The following KCNQ2 variants were observed in gnomAD, a reference collection of about 807,000 sequenced individuals.
KCNQ2 encodes potassium voltage-gated channel subfamily Q member 2, also known as potassium voltage-gated channel subfamily KQT member 2.
Under a neutral mutation model 84.8 loss-of-function variants are expected in KCNQ2, and 14 were observed. That is an observed-to-expected ratio of 0.17 (90% confidence interval 0.11 to 0.26). The LOEUF is 0.26. Among genes scored for constraint, KCNQ2 ranks in the 10% least tolerant of loss-of-function variants. KCNQ2 has a pLI of 1.00. For missense variants in KCNQ2, 788 were observed against 1,254.0 expected (o/e 0.63, Z 5.61); for synonymous variants, 599 against 554.1 (o/e 1.08, Z -1.14).
intron 15 of KCNQ2, among the ~76,000 whole-genome samples, chr20:63,409,215 G>A (rs998493501): frequency 4.6e-5 from 7 of 152,206 alleles, no homozygotes; most frequent in Non-Finnish European, 8.8e-5. Flanking sequence ...ACGTGTGTGT[G>A]CACTCGATGT....
At chr20:63,467,118 G>A (rs924389241) in intron 1 of KCNQ2, among the ~76,000 whole-genome samples, 2 of 152,176 alleles carry the variant, frequency 1.3e-5, no homozygotes, top group Non-Finnish European at 2.9e-5. Flanking sequence ...CGGCCTGGCC[G>A]CTGGCCCCAG....
At chr20:63,461,305 T>C (rs2145867422) in intron 1 of KCNQ2, among the ~76,000 whole-genome samples, 1 of 152,280 alleles carries the variant, frequency 6.6e-6, no homozygotes, top group Non-Finnish European at 1.5e-5. Context: ...ATGGCACCCG[T>C]GGGAAGGGAT....
At position 63,400,300 on chromosome 20, in the gene KCNQ2, C is replaced by T. The variant is rs555733916; in HGVS notation, c.*6344G>A. The T allele has an allele frequency of 2.5e-4, 63 of 253,230 alleles. No homozygotes were observed. Among genetic ancestry groups the T allele is most frequent in the Middle Eastern group, 1.1e-3 (1 of 878 alleles). 15.7% of individuals were successfully genotyped at this position (253,230 alleles called of 1,614,324 possible). A position where few individuals can be genotyped will look rare whatever the true frequency, so the allele number is the denominator to read the frequency against. ...CAGCAGGGATCCCCAGAACCTTCCACGGCCATCGCGGCCGCAGGACCCCAC... is the reference window on the plus strand; with the variant it reads ...CAGCAGGGATCCCCAGAACCTTCCATGGCCATCGCGGCCGCAGGACCCCAC... On this transcript the variant is annotated 3_prime_UTR_variant, in exon 17 of 17. Transcript: ENST00000359125. The surrounding 1 kb of genome is among the most constrained non-coding windows in gnomAD (Gnocchi z 8.7).
intron 1 of KCNQ2, among the ~76,000 whole-genome samples, chr20:63,469,792 G>A (rs1180677117): frequency 1.3e-5 from 2 of 152,246 alleles, no homozygotes; most frequent in Non-Finnish European, 2.9e-5. Context: ...CACGCCACAC[G>A]GGCCAGTCCA....
chr20:63,438,840 A>C lies in KCNQ2; in HGVS notation c.928-120T>G. ...ATTCATCAGGGTCAGACCACACTCC[A>C]GAGACTCACACACCCCCCAATTCAT... On this transcript the variant is annotated intron_variant, in intron 6 of 16. Coordinates refer to ENST00000359125, the MANE Select transcript of KCNQ2 (RefSeq NM_172107.4). The surrounding 1 kb of genome is among the most constrained non-coding windows in gnomAD (Gnocchi z 5.1). 2.4e-5 allele frequency: 16 copies of C among 674,676 alleles called. No homozygotes were observed. In the South Asian group the frequency reaches 2.4e-4, roughly 10 times the overall value. The allele number at this position is 674,676 out of a possible 1,614,324, so 41.8% of individuals were successfully genotyped here. A position where few individuals can be genotyped will look rare whatever the true frequency, so the allele number is the denominator to read the frequency against.
chr20:63,414,058 C>A lies in KCNQ2; in HGVS notation c.1631+30G>T, dbSNP rs1172089546. 2.6e-6 allele frequency: 4 copies of A among 1,561,124 alleles called. No homozygotes were observed. Among genetic ancestry groups the A allele is most frequent in the Middle Eastern group, 3.4e-4 (2 of 5,960 alleles). On this transcript the variant is annotated intron_variant, in intron 14 of 16. Transcript: ENST00000359125. The surrounding 1 kb of genome is among the most constrained non-coding windows in gnomAD (Gnocchi z 6.6). ...CGAGCGGGAGGCCCCTCCTCACTCCCCCAGGCTCCCGGCTGGGCAGGGGCC... is the reference window on the plus strand; with the variant it reads ...CGAGCGGGAGGCCCCTCCTCACTCCACCAGGCTCCCGGCTGGGCAGGGGCC...
In KCNQ2 at chr20:63,414,236, G is replaced by A. The variant is rs977486227; in HGVS notation, c.1526-43C>T. On this transcript the variant is annotated intron_variant, in intron 13 of 16. Transcript: ENST00000359125. The surrounding 1 kb of genome is among the most constrained non-coding windows in gnomAD (Gnocchi z 6.6). ...GGCCGTGAGGGGCCGAGGGGGCCGG[G>A]AGACCTATTCCCGGGGTCCTGCAGG... 1 of 1,446,734 alleles carries A rather than the reference G, an allele frequency of 6.9e-7. No homozygotes were observed. Among genetic ancestry groups the A allele is most frequent in the Admixed American group, 1.7e-5 (1 of 59,268 alleles). The allele number at this position is 1,446,734 out of a possible 1,614,324, so 89.6% of individuals were successfully genotyped here.
chr20:63,433,918 A>AC lies in KCNQ2; in HGVS notation c.1024-16dup. The AC allele has an allele frequency of 6.2e-7, 1 of 1,612,204 alleles. No individual in the cohort carries two copies. Among genetic ancestry groups the AC allele is most frequent in the Non-Finnish European group, 8.5e-7 (1 of 1,179,220 alleles). On this transcript the variant is annotated splice_polypyrimidine_tract_variant and intron_variant, in intron 7 of 16. Coordinates refer to ENST00000359125, the MANE Select transcript of KCNQ2 (RefSeq NM_172107.4). The stretch of plus-strand genomic sequence containing the variant: ...CTCCAGGCCGACTGCGGAGGGAAAG[A>AC]CAAGGCAGTTGGCGAGGGGCAGGCG...
chr20:63,453,119 C>G (rs2145825893), intron 1 of KCNQ2, among the ~76,000 whole-genome samples: 1 of 152,314 alleles, frequency 6.6e-6, no homozygotes, highest in Admixed American at 6.5e-5. Context: ...AGCTGCCGCC[C>G]CGCGGTGGAC....
At chr20:63,419,719 C>A (rs1025938182) in intron 11 of KCNQ2, 47 bp from the exon 12 acceptor site, 2 of 1,545,390 alleles carry the variant, frequency 1.3e-6, no homozygotes, top group African/African-American at 1.4e-5. Context: ...GGCAACAGCA[C>A]ACGGCCGGGA....
In KCNQ2 at chr20:63,433,886, G is replaced by A. The variant is rs770904422; in HGVS notation, c.1041C>T (p.Tyr347=). 3.1e-6 allele frequency: 5 copies of A among 1,613,500 alleles called. No individual in the cohort carries two copies. The highest frequency in any genetic ancestry group is 1.7e-4 in the Middle Eastern group (1 of 5,880). Residue 347 remains tyrosine, a synonymous_variant, in exon 8 of 17, where the codon TAC becomes TAT. Coordinates refer to ENST00000359125, the MANE Select transcript of KCNQ2 (RefSeq NM_172107.4). ...AGLIQSAWRF[Y]ATNLSRTDLH... is the part of the protein sequence containing the mutation. ...GGTCTGTGCGCGAGAGGTTGGTGGCGTAGAATCTCCAGGCCGACTGCGGAG... is the reference window on the plus strand; with the variant it reads ...GGTCTGTGCGCGAGAGGTTGGTGGCATAGAATCTCCAGGCCGACTGCGGAG...
chr20:63,445,105 A>G, intron 3 of KCNQ2, 133 bp downstream of exon 3: 1 of 1,267,276 alleles, frequency 7.9e-7, no homozygotes. Context: ...AGCAGGTGAA[A>G]AGAAACTTCC....
rs1600837524 is a variant in KCNQ2 at position 63,457,201 on chromosome 20, G to C, written c.297-10364C>G. Among the ~76,000 whole-genome samples the C allele has an allele frequency of 2.0e-5, 3 of 152,366 alleles. No individual in the cohort carries two copies. In the South Asian group the frequency reaches 6.2e-4, roughly 32 times the overall value. On this transcript the variant is annotated intron_variant, in intron 1 of 16. Coordinates refer to ENST00000359125, the MANE Select transcript of KCNQ2 (RefSeq NM_172107.4). ...TGGAGGGGACAAGGGCCACGCTCCTGCAGAGCTGCACACAGAGACCTCTCG... is the reference window on the plus strand; with the variant it reads ...TGGAGGGGACAAGGGCCACGCTCCTCCAGAGCTGCACACAGAGACCTCTCG...
At chr20:63,449,200 C>T (rs1205165772) in intron 1 of KCNQ2, 3 of 152,304 alleles carry the variant, frequency 2.0e-5, no homozygotes, top group Non-Finnish European at 2.9e-5. Flanking sequence ...AATGTGAGCA[C>T]CTGGATCCAG....
At chr20:63,429,877 CA>C (rs956598820) in intron 9 of KCNQ2, among the ~76,000 whole-genome samples, 23 of 152,320 alleles carry the variant, frequency 1.5e-4, no homozygotes, top group African/African-American at 4.8e-4. Flanking sequence ...TCTGCAGCCC[CA>C]GAGGTGCCCC....
At chr20:63,467,641 C>A (rs73918934) in intron 1 of KCNQ2, among the ~76,000 whole-genome samples, 1 of 152,186 alleles carries the variant, frequency 6.6e-6, no homozygotes, top group Non-Finnish European at 1.5e-5. Context: ...CAGGGACTAA[C>A]GGAGATCCAT....
At chr20:63,443,045 CCAT>C (rs1180302804) in intron 4 of KCNQ2, among the ~76,000 whole-genome samples, 25 of 86,880 alleles carry the variant, frequency 2.9e-4, no homozygotes, top group African/African-American at 1.1e-3. Flanking sequence ...ACCACCATCA[CCAT>C]CATCAGCATC....
intron 4 of KCNQ2, 56 bp downstream of exon 4, chr20:63,444,603 G>C: frequency 6.9e-7 from 1 of 1,446,024 alleles, no homozygotes; most frequent in South Asian, 1.4e-5. Context: ...CCCGGTCTGG[G>C]CCAGGACTCT....
intron 4 of KCNQ2, among the ~76,000 whole-genome samples, chr20:63,443,081 CCACCATTATCACCACCAT>C (rs2081272738): frequency 4.7e-5 from 3 of 64,178 alleles, no homozygotes; most frequent in African/African-American, 6.5e-5. Context: ...ATCACCACCA[CCACCATTATCACCACCAT>C]CACCATCACC....
Sources: allele counts gnomAD v4.1 joint callset (sites outside exome capture counted in the v4.1 genomes callset), GRCh38; gene constraint gnomAD v4.1.1; non-coding constraint Gnocchi (gnomAD v3.1); transcripts MANE v1.5; gene names NCBI Gene and HGNC (gene_info 2026-07-23, HGNC 2026-07-21).